Variants in ICA1 observed in about 807,000 individuals in gnomAD.
ICA1 encodes 69 kDa islet cell autoantigen.
A neutral mutation model predicts 71.0 loss-of-function variants in ICA1; 40 were observed. The ratio of observed to expected loss-of-function variants is 0.56; its 90% CI spans 0.44 to 0.73. The LOEUF (loss-of-function observed/expected upper bound fraction) is 0.73. Among genes scored for constraint, ICA1 ranks in the 30% least tolerant of loss-of-function variants. The pLI is 0.00. For synonymous variants in ICA1, 207 were observed against 209.5 expected, an observed-to-expected ratio of 0.99 and a Z score of 0.10; for missense variants, 578 against 576.5, an observed-to-expected ratio of 1.00 and a Z score of -0.03.
chr7:8,134,300 C>T (rs1283053356), intron 12 of ICA1, among the ~76,000 whole-genome samples: 1 of 152,164 alleles, frequency 6.6e-6, no homozygotes. Flanking sequence ...TGAAAACTCA[C>T]ATAGAGAGGA....
chr7:8,252,780 CTTAT>C (rs1242042913), intron 1 of ICA1, among the ~76,000 whole-genome samples: 4 of 150,390 alleles, frequency 2.7e-5, no homozygotes, highest in South Asian at 2.1e-4. Flanking sequence ...ATATTTTTTG[CTTAT>C]TTATTACTTT....
At chr7:8,128,223 G>GGGA in intron 12 of ICA1, 81 bp from the exon 13 acceptor site, 1 of 1,428,590 alleles carries the variant, frequency 7.0e-7, no homozygotes, top group Non-Finnish European at 9.5e-7. Context: ...GCTGCGAAGG[G>GGGA]GGAGACTGGT....
chr7:8,200,078 C>T (rs1307992598), intron 6 of ICA1, among the ~76,000 whole-genome samples: 1 of 151,972 alleles, frequency 6.6e-6, no homozygotes, highest in Non-Finnish European at 1.5e-5. Context: ...TTGTTTATAA[C>T]ACAAAAGATA....
intron 6 of ICA1, among the ~76,000 whole-genome samples, chr7:8,178,868 G>A (rs1056475592): frequency 7.2e-5 from 11 of 152,150 alleles, no homozygotes; most frequent in East Asian, 5.8e-4. Flanking sequence ...GCATTTCAGC[G>A]TTTTAGCATG....
chr7:8,175,410 C>T (rs974937087), intron 6 of ICA1, among the ~76,000 whole-genome samples: 21 of 152,252 alleles, frequency 1.4e-4, no homozygotes, highest in South Asian at 2.1e-4. Flanking sequence ...AATAAATAAG[C>T]AGTGACAACA....
chr7:8,236,272 T>C (rs545952504), intron 1 of ICA1, among the ~76,000 whole-genome samples: 15 of 152,344 alleles, frequency 9.8e-5, no homozygotes, highest in African/African-American at 3.4e-4. Context: ...ATATCATTTA[T>C]ATAAAGCTTA....
At position 8,130,991 on chromosome 7, in the gene ICA1, G is replaced by T. The variant is rs1791241458; in HGVS notation, c.1061-2849C>A. Among the ~76,000 whole-genome samples, 1 of 152,148 alleles carries T rather than the reference G, an allele frequency of 6.6e-6. No individual in the cohort carries two copies. Among genetic ancestry groups the T allele is most frequent in the Admixed American group, 6.5e-5 (1 of 15,268 alleles). ...AAATGACTCCTTACCCTCCACCCCA[G>T]TGAATGACTGATGAGGCTGGCCAGA... is the stretch of plus-strand genomic sequence containing the variant. On this transcript the variant is annotated intron_variant, in intron 12 of 13. Transcript: ENST00000402384. This position sits in a 1 kb window ranked among gnomAD's most constrained non-coding sequence, Gnocchi z 4.2.
intron 6 of ICA1, among the ~76,000 whole-genome samples, chr7:8,159,559 G>A (rs888571883): frequency 6.6e-6 from 1 of 152,008 alleles, no homozygotes; most frequent in African/African-American, 2.4e-5. Context: ...AACAACAAAG[G>A]TGTGGGGTTG....
chr7:8,124,119 T>A (rs796664027), intron 13 of ICA1, among the ~76,000 whole-genome samples: 12 of 138,240 alleles, frequency 8.7e-5, no homozygotes, highest in African/African-American at 3.5e-4. Context: ...CAATTTTTTT[T>A]TTTTTTTTTT....
chr7:8,120,845 C>T (rs962000062), intron 13 of ICA1, among the ~76,000 whole-genome samples: 2 of 152,222 alleles, frequency 1.3e-5, no homozygotes, highest in East Asian at 1.9e-4. Flanking sequence ...CCCAGAGCTG[C>T]GCTTTGCCAT....
intron 6 of ICA1, among the ~76,000 whole-genome samples, chr7:8,164,253 G>A (rs1191337111): frequency 7.3e-6 from 1 of 136,240 alleles, no homozygotes; most frequent in Non-Finnish European, 1.5e-5. Flanking sequence ...GCAGTGAACT[G>A]AGATCGTCGC....
chr7:8,190,617 C>A (rs530307013), intron 6 of ICA1, among the ~76,000 whole-genome samples: 16 of 152,190 alleles, frequency 1.1e-4, no homozygotes, highest in Admixed American at 2.0e-4. Context: ...CCTACAGAGG[C>A]AATGTGTTTC....
intron 6 of ICA1, among the ~76,000 whole-genome samples, chr7:8,209,182 A>G (rs749480699): frequency 2.6e-4 from 40 of 152,368 alleles, no homozygotes; most frequent in Non-Finnish European, 4.9e-4. Flanking sequence ...CTCGAGAGTT[A>G]AGCAAGCTTT....
At chr7:8,231,600 T>C (rs971534863) in intron 3 of ICA1, among the ~76,000 whole-genome samples, 5 of 152,160 alleles carry the variant, frequency 3.3e-5, no homozygotes, top group South Asian at 4.1e-4. Flanking sequence ...GGTATAGTTC[T>C]CCTAAAGTTA....
intron 13 of ICA1, among the ~76,000 whole-genome samples, chr7:8,124,246 A>C (rs910027845): frequency 6.7e-6 from 1 of 148,190 alleles, no homozygotes; most frequent in East Asian, 2.0e-4. Context: ...TCAGCCTCCC[A>C]AGTAGCTGGG....
chr7:8,118,651 G>C (rs1206441331), intron 13 of ICA1, among the ~76,000 whole-genome samples: 2 of 152,154 alleles, frequency 1.3e-5, no homozygotes, highest in African/African-American at 4.8e-5. Flanking sequence ...TAAAGTTGTG[G>C]TTTCTGTGTG....
intron 13 of ICA1, among the ~76,000 whole-genome samples, chr7:8,124,649 G>C (rs1788440215): frequency 6.6e-6 from 1 of 152,164 alleles, no homozygotes; most frequent in Non-Finnish European, 1.5e-5. Context: ...TGTAAGTGTG[G>C]CAGAAGCTGA....
At chr7:8,120,067 G>A (rs1197903846) in intron 13 of ICA1, among the ~76,000 whole-genome samples, 1 of 152,154 alleles carries the variant, frequency 6.6e-6, no homozygotes, top group Non-Finnish European at 1.5e-5. Flanking sequence ...TGCAGCAGAA[G>A]ACATGAAGAT....
chr7:8,175,772 T>C (rs765083351), intron 6 of ICA1, among the ~76,000 whole-genome samples: 18 of 152,172 alleles, frequency 1.2e-4, no homozygotes, highest in African/African-American at 2.9e-4. Flanking sequence ...CAATGCCTCA[T>C]GGTCATTTTC....
Sources: gnomAD v4.1 joint callset for allele counts (sites outside exome capture counted in the v4.1 genomes callset) on GRCh38, gnomAD v4.1.1 for gene constraint, Gnocchi (gnomAD v3.1) non-coding constraint, MANE v1.5 for transcripts, NCBI Gene and HGNC (gene_info 2026-07-23, HGNC 2026-07-21) for gene names.